The following UBE2W variants were observed in gnomAD, a reference collection of about 807,000 sequenced individuals.
UBE2W encodes ubiquitin-conjugating enzyme E2 W.
In UBE2W, 18 loss-of-function variants were observed where a neutral mutation model predicts 27.2. The ratio of observed to expected loss-of-function variants is 0.66; its 90% CI spans 0.46 to 0.98. UBE2W has a LOEUF of 0.98. Ranked by LOEUF, UBE2W falls within the 50% of genes least tolerant of loss-of-function variation. The probability of loss-of-function intolerance (pLI) is 0.00; values close to 1 mark genes in which losing one functional copy is unlikely to be tolerated. For missense variants in UBE2W, 90 were observed against 180.2 expected (o/e 0.50, Z 2.87); for synonymous variants, 53 against 57.2 (o/e 0.93, Z 0.33).
chr8:73,815,535 AC>A (rs1809348209), intron 3 of UBE2W, among the ~76,000 whole-genome samples: 1 of 152,178 alleles, frequency 6.6e-6, no homozygotes, highest in Non-Finnish European at 1.5e-5. Flanking sequence ...TTTACCAAAA[AC>A]CTCTGCATTA....
rs760034879 is a variant in UBE2W at position 73,793,484 on chromosome 8, GTAGATA to G, written c.*612_*617del. ...TCTTCCATGTCAAAACAACTTGACA[GTAGATA>G]TAAACAATTCAATAAATATGCAATG... On this transcript the variant is annotated 3_prime_UTR_variant, in exon 6 of 6. Transcript: ENST00000602593. The G allele has an allele frequency of 1.1e-4, 112 of 985,672 alleles. No individual in the cohort carries two copies. Among genetic ancestry groups the G allele is most frequent in the Non-Finnish European group, 1.3e-4 (106 of 829,894 alleles). 61.1% of individuals were successfully genotyped at this position (985,672 alleles called of 1,614,324 possible).
At chr8:73,871,993 A>T (rs966011181) in intron 1 of UBE2W, among the ~76,000 whole-genome samples, 2 of 152,106 alleles carry the variant, frequency 1.3e-5, no homozygotes, top group Non-Finnish European at 1.5e-5. Flanking sequence ...CCCTGAGCTC[A>T]GGTGATCCTC....
rs1298001690 is a variant in UBE2W at position 73,793,920 on chromosome 8, T to C, written c.*182A>G. 1 of 1,434,232 alleles carries C rather than the reference T, an allele frequency of 7.0e-7. No homozygotes were observed. The highest frequency in any genetic ancestry group is 9.2e-7 in the Non-Finnish European group (1 of 1,091,720). The allele number at this position is 1,434,232 out of a possible 1,614,324, so 88.8% of individuals were successfully genotyped here. A position where few individuals can be genotyped will look rare whatever the true frequency, so the allele number is the denominator to read the frequency against. On this transcript the variant is annotated 3_prime_UTR_variant, in exon 6 of 6. Transcript: ENST00000602593. ...GACTAATAAAAGCATGTCAGTTGCC[T>C]GGACTGAACCAGCGATCAACATGCG...
At chr8:73,845,233 C>T (rs1410057945) in intron 1 of UBE2W, among the ~76,000 whole-genome samples, 2 of 152,196 alleles carry the variant, frequency 1.3e-5, no homozygotes, top group African/African-American at 4.8e-5. Context: ...TCATTGAGAA[C>T]GGGCCATGAT....
At chr8:73,822,079 T>C (rs1387172697) in intron 3 of UBE2W, among the ~76,000 whole-genome samples, 1 of 152,120 alleles carries the variant, frequency 6.6e-6, no homozygotes, top group Admixed American at 6.5e-5. Flanking sequence ...CCCCAGACAG[T>C]CCATGACTAA....
chr8:73,851,321 C>T (rs1007358652), intron 1 of UBE2W, among the ~76,000 whole-genome samples: 16 of 151,478 alleles, frequency 1.1e-4, no homozygotes, highest in African/African-American at 3.4e-4. Flanking sequence ...ATTGAAGAGA[C>T]GGGTAAAGGC....
chr8:73,787,825 A>G lies in UBE2W; in HGVS notation c.*6277T>C. The G allele has an allele frequency of 1.0e-6, 1 of 985,440 alleles. No homozygotes were observed. Among genetic ancestry groups the G allele is most frequent in the Non-Finnish European group, 1.2e-6 (1 of 829,930 alleles). The allele number at this position is 985,440 out of a possible 1,614,324, so 61.0% of individuals were successfully genotyped here. On this transcript the variant is annotated 3_prime_UTR_variant, in exon 6 of 6. Coordinates refer to ENST00000602593, the MANE Select transcript of UBE2W (RefSeq NM_018299.6). ...AGTTCAGGAACATCGGACTCACGAT[A>G]ACTCTAAGCAAGTGCCTGGGTCTCC...
At chr8:73,826,029 A>G (rs1232659654) in intron 2 of UBE2W, among the ~76,000 whole-genome samples, 1 of 152,104 alleles carries the variant, frequency 6.6e-6, no homozygotes, top group East Asian at 1.9e-4. Context: ...TGTCAGACTT[A>G]TTTTTTTCAT....
At chr8:73,873,807 G>A (rs746791026) in intron 1 of UBE2W, among the ~76,000 whole-genome samples, 1 of 152,142 alleles carries the variant, frequency 6.6e-6, no homozygotes, top group Non-Finnish European at 1.5e-5. Context: ...CTAAGACCCA[G>A]CTAGGTAAGA....
Position 73,791,997 on chromosome 8 carries a change from G to C in UBE2W, c.*2105C>G, listed in dbSNP as rs530131597. The C allele has an allele frequency of 1.0e-6, 1 of 985,006 alleles. No homozygotes were observed. Among genetic ancestry groups the C allele is most frequent in the East Asian group, 1.1e-4 (1 of 8,816 alleles). The allele number at this position is 985,006 out of a possible 1,614,324, so 61.0% of individuals were successfully genotyped here. A position where few individuals can be genotyped will look rare whatever the true frequency, so the allele number is the denominator to read the frequency against. On this transcript the variant is annotated 3_prime_UTR_variant, in exon 6 of 6. Coordinates refer to ENST00000602593, the MANE Select transcript of UBE2W (RefSeq NM_018299.6). ...ATTCCTTTGGTGAATAAATGTCACCGGTCATTTCTTTATAAAAGCATTTTG... is the reference window on the plus strand; with the variant it reads ...ATTCCTTTGGTGAATAAATGTCACCCGTCATTTCTTTATAAAAGCATTTTG...
rs1257451765 is a variant in UBE2W at position 73,787,499 on chromosome 8, G to A, written c.*6603C>T. On this transcript the variant is annotated 3_prime_UTR_variant, in exon 6 of 6. Transcript: ENST00000602593. ...TCTAACCATCTACTAACATAGTTGT[G>A]TAGGACGGCAGGAACAGCTTGAGAC... 2 of 985,332 alleles carry A rather than the reference G, an allele frequency of 2.0e-6. No individual in the cohort carries two copies. Among genetic ancestry groups the A allele is most frequent in the South Asian group, 4.7e-5 (1 of 21,294 alleles). 61.0% of individuals were successfully genotyped at this position (985,332 alleles called of 1,614,324 possible).
intron 5 of UBE2W, among the ~76,000 whole-genome samples, chr8:73,795,058 T>C (rs1462768008): frequency 6.6e-6 from 1 of 152,208 alleles, no homozygotes; most frequent in African/African-American, 2.4e-5. Context: ...AAAGATTTAT[T>C]CTGAGGATGA....
Position 73,786,743 on chromosome 8 carries a change from G to A in UBE2W, c.*7359C>T. The A allele has an allele frequency of 1.0e-6, 1 of 985,392 alleles. No homozygotes were observed. The highest frequency in any genetic ancestry group is 1.2e-6 in the Non-Finnish European group (1 of 829,926). The allele number at this position is 985,392 out of a possible 1,614,324, so 61.0% of individuals were successfully genotyped here. A position where few individuals can be genotyped will look rare whatever the true frequency, so the allele number is the denominator to read the frequency against. ...AGGTAGTGAAAGGCCCTAATGGTAA[G>A]GAGACTGGAGAGAAGGTAGAAATCT... is the stretch of plus-strand genomic sequence containing the variant. On this transcript the variant is annotated 3_prime_UTR_variant, in exon 6 of 6. Transcript: ENST00000602593.
rs957744957 is a variant in UBE2W, at chr8:73,792,056, C to G, written c.*2046G>C. 4 of 985,068 alleles carry G rather than the reference C, an allele frequency of 4.1e-6. No homozygotes were observed. In the African/African-American group the frequency reaches 7.0e-5, roughly 17 times the overall value. The allele number at this position is 985,068 out of a possible 1,614,324, so 61.0% of individuals were successfully genotyped here. ...ACCAGCAATATGGAGACAGATTTCT[C>G]CCTAACCCCCAGAAGAAGATCAAGT... On this transcript the variant is annotated 3_prime_UTR_variant, in exon 6 of 6. Coordinates refer to ENST00000602593, the MANE Select transcript of UBE2W (RefSeq NM_018299.6).
chr8:73,852,937 T>G (rs1811137315), intron 1 of UBE2W, among the ~76,000 whole-genome samples: 1 of 152,188 alleles, frequency 6.6e-6, no homozygotes, highest in South Asian at 2.1e-4. Flanking sequence ...GTAAGTTAGG[T>G]GCTGTAAGGG....
intron 3 of UBE2W, among the ~76,000 whole-genome samples, chr8:73,815,216 A>T (rs1315888112): frequency 6.6e-6 from 1 of 152,144 alleles, no homozygotes; most frequent in East Asian, 1.9e-4. Context: ...ATCTCTAAAA[A>T]AAATAGTAAC....
intron 3 of UBE2W, among the ~76,000 whole-genome samples, chr8:73,814,891 G>A (rs1809325566): frequency 1.3e-5 from 2 of 152,138 alleles, no homozygotes; most frequent in African/African-American, 4.8e-5. Flanking sequence ...AAAAGCAAGT[G>A]AGAGCTAAGA....
At position 73,853,552 on chromosome 8, in the gene UBE2W, C is replaced by T. The variant is rs115008763; in HGVS notation, c.16-23080G>A. On this transcript the variant is annotated intron_variant, in intron 1 of 5. Coordinates refer to ENST00000602593, the MANE Select transcript of UBE2W (RefSeq NM_018299.6). ...CTGGGATTAGAGATGTGAACCATTG[C>T]GCCTGACCCAGCAAAATATATTTAA... Among the ~76,000 whole-genome samples the T allele has an allele frequency of 2.7e-3, 405 of 152,226 alleles. 1 individual carries two copies. The highest frequency in any genetic ancestry group is 9.4e-3 in the African/African-American group (392 of 41,538).
At chr8:73,809,763 A>G (rs1809070402) in intron 4 of UBE2W, among the ~76,000 whole-genome samples, 1 of 152,056 alleles carries the variant, frequency 6.6e-6, no homozygotes, top group African/African-American at 2.4e-5. Flanking sequence ...TATTTTTAGT[A>G]GAGACAGGGT....
Sources: allele counts gnomAD v4.1 joint callset (sites outside exome capture counted in the v4.1 genomes callset), GRCh38; gene constraint gnomAD v4.1.1; transcripts MANE v1.5; gene names NCBI Gene and HGNC (gene_info 2026-07-23, HGNC 2026-07-21).